The following RAP1B variants were observed in gnomAD, a reference collection of about 807,000 sequenced individuals.
The protein encoded by RAP1B is ras-related protein Rap-1b.
In RAP1B, 1 loss-of-function variant was observed where a neutral mutation model predicts 27.5. The ratio of observed to expected loss-of-function variants is 0.04; its 90% CI spans 0.01 to 0.17. The LOEUF is 0.17. RAP1B is among the 10% of genes least tolerant of loss of function. RAP1B has a pLI of 1.00. For missense variants in RAP1B, 84 were observed against 214.8 expected (o/e 0.39, Z 3.81); for synonymous variants, 75 against 73.1 (o/e 1.03, Z -0.13).
chr12:68,652,553 G>A (rs1459545316), intron 4 of RAP1B, among the ~76,000 whole-genome samples: 6 of 152,204 alleles, frequency 3.9e-5, no homozygotes, highest in East Asian at 3.9e-4. Flanking sequence ...AGTGGCTCAC[G>A]CCTGTAATCC....
At position 68,670,646 on chromosome 12, in the gene RAP1B, T is replaced by C. The variant is rs1875050266; in HGVS notation, c.*11397T>C. On this transcript the variant is annotated 3_prime_UTR_variant, in exon 8 of 8. Coordinates refer to ENST00000250559, the MANE Select transcript of RAP1B (RefSeq NM_001010942.3). ...AAAGCTGAAAAATTATAAGTAAAAC[T>C]GTAAGTCACAGACTGTATATATAAA... 6.6e-6 allele frequency: 1 copy of C among 152,160 alleles called. No homozygotes were observed. The highest frequency in any genetic ancestry group is 1.5e-5 in the Non-Finnish European group (1 of 68,020). The allele number at this position is 152,160 out of a possible 1,614,324, so 9.4% of individuals were successfully genotyped here.
chr12:68,621,332 A>G (rs1425813901), intron 1 of RAP1B: 1 of 152,170 alleles, frequency 6.6e-6, no homozygotes, highest in East Asian at 1.9e-4. Context: ...GGACATCCAA[A>G]TTAGTCACAA....
At chr12:68,615,275 A>G (rs964823734) in intron 1 of RAP1B, among the ~76,000 whole-genome samples, 4 of 152,206 alleles carry the variant, frequency 2.6e-5, no homozygotes, top group African/African-American at 9.6e-5. Flanking sequence ...AAGAACCTTA[A>G]AACAGGAAAA....
chr12:68,630,184 T>TCTATC (rs1435032743), intron 1 of RAP1B, among the ~76,000 whole-genome samples: 1 of 152,190 alleles, frequency 6.6e-6, no homozygotes, highest in African/African-American at 2.4e-5. Flanking sequence ...ATGGGCAAGG[T>TCTATC]CTATCCTTGT....
At chr12:68,630,993 G>A (rs113308845) in intron 1 of RAP1B, among the ~76,000 whole-genome samples, 38 of 151,918 alleles carry the variant, frequency 2.5e-4, no homozygotes, top group Middle Eastern at 6.8e-3. Flanking sequence ...AATGGAGTCT[G>A]CCCCATACAT....
chr12:68,620,547 A>G lies in RAP1B; in HGVS notation c.-27+9504A>G, dbSNP rs537234402. 3.0e-4 allele frequency among the ~76,000 whole-genome samples: 45 copies of G among 151,192 alleles called. 1 individual carries two copies. Among genetic ancestry groups the G allele is most frequent in the East Asian group, 9.7e-4 (5 of 5,158 alleles). On this transcript the variant is annotated intron_variant, in intron 1 of 7. Coordinates refer to ENST00000250559, the MANE Select transcript of RAP1B (RefSeq NM_001010942.3). ...TGTTAATTTAAAAACATTTGTAGCA[A>G]TCCTTGTTAAACTGTTTTTATAAAC... is the stretch of plus-strand genomic sequence containing the variant.
chr12:68,631,802 C>G (rs1240244380), intron 1 of RAP1B, among the ~76,000 whole-genome samples: 1 of 152,054 alleles, frequency 6.6e-6, no homozygotes, highest in Non-Finnish European at 1.5e-5. Flanking sequence ...TTTTATGTCT[C>G]CATCTTTTCC....
intron 1 of RAP1B, among the ~76,000 whole-genome samples, chr12:68,620,091 G>T (rs1233245456): frequency 6.6e-6 from 1 of 151,454 alleles, no homozygotes; most frequent in African/African-American, 2.4e-5. Context: ...AGAATTTGGT[G>T]TGTTGTCTTA....
chr12:68,657,770 A>G (rs1236172697), intron 7 of RAP1B: 5 of 127,986 alleles, frequency 3.9e-5, no homozygotes, highest in South Asian at 5.0e-4. Context: ...ACACACACAC[A>G]CACGTGCGCG....
In RAP1B at chr12:68,661,966, T is replaced by G. The variant is rs181817958; in HGVS notation, c.*2717T>G. 1.1e-4 allele frequency: 16 copies of G among 149,266 alleles called. No homozygotes were observed. The highest frequency in any genetic ancestry group is 3.9e-4 in the African/African-American group (16 of 40,812). 9.2% of individuals were successfully genotyped at this position (149,266 alleles called of 1,614,324 possible). A position where few individuals can be genotyped will look rare whatever the true frequency, so the allele number is the denominator to read the frequency against. The stretch of plus-strand genomic sequence containing the variant: ...GTAAAATGAGAATGATAATACCTAC[T>G]TCATAGGAGAGTGAAATGAATGCCA... On this transcript the variant is annotated 3_prime_UTR_variant, in exon 8 of 8. Transcript: ENST00000250559.
At chr12:68,632,731 C>A (rs932442080) in intron 1 of RAP1B, among the ~76,000 whole-genome samples, 4 of 151,840 alleles carry the variant, frequency 2.6e-5, no homozygotes, top group African/African-American at 7.3e-5. Context: ...GTGTCTATTG[C>A]TAGAGAAATT....
intron 1 of RAP1B, among the ~76,000 whole-genome samples, chr12:68,636,422 CTG>C (rs1235336765): frequency 2.0e-5 from 3 of 152,156 alleles, no homozygotes; most frequent in Non-Finnish European, 4.4e-5. Flanking sequence ...AGTATAAGCA[CTG>C]TTTTTTTGTT....
At chr12:68,650,531 A>C in intron 3 of RAP1B, 63 bp downstream of exon 3, 3 of 1,250,496 alleles carry the variant, frequency 2.4e-6, no homozygotes, top group Non-Finnish European at 2.1e-6. Context: ...TTTTAGCTTT[A>C]TAATTATTGA....
At chr12:68,616,109 G>A (rs915904538) in intron 1 of RAP1B, among the ~76,000 whole-genome samples, 9 of 148,406 alleles carry the variant, frequency 6.1e-5, no homozygotes, top group African/African-American at 2.0e-4. Flanking sequence ...GACTACAGGC[G>A]CCCGCCACCA....
chr12:68,615,982 G>A (rs572378810), intron 1 of RAP1B, among the ~76,000 whole-genome samples: 2,583 of 133,426 alleles, frequency 0.019, 34 homozygotes, highest in Middle Eastern at 0.031. Context: ...TTTTTTTTTT[G>A]AGATGGAGTC....
At chr12:68,636,597 T>C (rs1039938669) in intron 1 of RAP1B, among the ~76,000 whole-genome samples, 1 of 152,080 alleles carries the variant, frequency 6.6e-6, no homozygotes, top group Non-Finnish European at 1.5e-5. Flanking sequence ...CCAGCTACTT[T>C]ATAAATTTTT....
chr12:68,655,535 C>CTTTT (rs35350174), intron 5 of RAP1B, among the ~76,000 whole-genome samples: 4 of 125,592 alleles, frequency 3.2e-5, no homozygotes, highest in Non-Finnish European at 6.7e-5. Flanking sequence ...TTTTGATTGG[C>CTTTT]TTTTTTTTTT....
intron 1 of RAP1B, among the ~76,000 whole-genome samples, chr12:68,618,865 C>T (rs1010028604): frequency 5.9e-5 from 9 of 152,018 alleles, no homozygotes; most frequent in African/African-American, 9.7e-5. Flanking sequence ...AAAACACTGG[C>T]GAGGCCATGG....
At chr12:68,636,364 A>G (rs1019966766) in intron 1 of RAP1B, among the ~76,000 whole-genome samples, 1 of 152,196 alleles carries the variant, frequency 6.6e-6, no homozygotes, top group African/African-American at 2.4e-5. Flanking sequence ...TTAACACTAG[A>G]GTTTCTGCTG....
Sources: gnomAD v4.1 joint callset for allele counts (sites outside exome capture counted in the v4.1 genomes callset) on GRCh38, gnomAD v4.1.1 for gene constraint, MANE v1.5 for transcripts, NCBI Gene and HGNC (gene_info 2026-07-23, HGNC 2026-07-21) for gene names.